Variants in ATP9A observed in about 807,000 individuals in gnomAD.
ATP9A encodes the protein probable phospholipid-transporting ATPase IIA.
In ATP9A, 52 loss-of-function variants were observed where a neutral mutation model predicts 144.1. The ratio of observed to expected loss-of-function variants is 0.36; its 90% CI spans 0.29 to 0.45. The LOEUF (loss-of-function observed/expected upper bound fraction) is 0.45, where lower values mean the gene tolerates loss of function less well. ATP9A is among the 20% of genes least tolerant of loss of function. ATP9A has a pLI of 1.00. For missense variants in ATP9A, 947 were observed against 1,392.7 expected (o/e 0.68, Z 5.09); for synonymous variants, 582 against 557.4 (o/e 1.04, Z -0.62).
intron 7 of ATP9A, among the ~76,000 whole-genome samples, chr20:51,693,632 G>A (rs1262731914): frequency 6.6e-6 from 1 of 152,128 alleles, no homozygotes; most frequent in Non-Finnish European, 1.5e-5. Context: ...CGAACCCGCA[G>A]GCTTAAGCAA....
intron 4 of ATP9A, among the ~76,000 whole-genome samples, chr20:51,702,504 A>G (rs2077598485): frequency 6.6e-6 from 1 of 152,008 alleles, no homozygotes; most frequent in Non-Finnish European, 1.5e-5. Flanking sequence ...TTACATTCCC[A>G]TATTTACTGG....
At chr20:51,699,161 G>A (rs1473154497) in intron 4 of ATP9A, among the ~76,000 whole-genome samples, 2 of 151,972 alleles carry the variant, frequency 1.3e-5, no homozygotes, top group African/African-American at 4.8e-5. Context: ...GGCAAACATG[G>A]TGAAATCCTG....
chr20:51,763,555 C>T (rs1323564192), intron 1 of ATP9A, among the ~76,000 whole-genome samples: 3 of 151,994 alleles, frequency 2.0e-5, no homozygotes, highest in Admixed American at 6.6e-5. Flanking sequence ...CCTCCTGATC[C>T]GCCCACCTTG....
chr20:51,723,454 G>A (rs1037589955), intron 3 of ATP9A, among the ~76,000 whole-genome samples: 17 of 151,954 alleles, frequency 1.1e-4, no homozygotes, highest in Admixed American at 3.9e-4. Context: ...TGTGCCTGTA[G>A]TCCCAGCCAC....
At chr20:51,719,567 T>C (rs901134200) in intron 3 of ATP9A, among the ~76,000 whole-genome samples, 1 of 151,432 alleles carries the variant, frequency 6.6e-6, no homozygotes, top group Non-Finnish European at 1.5e-5. Flanking sequence ...ACCCCGTCTC[T>C]ACTAAAAATA....
intron 1 of ATP9A, among the ~76,000 whole-genome samples, chr20:51,751,461 T>C (rs547583977): frequency 2.6e-5 from 4 of 152,026 alleles, no homozygotes; most frequent in Admixed American, 2.0e-4. Flanking sequence ...GGAGTCTCCC[T>C]ATGTTGCCCA....
intron 1 of ATP9A, among the ~76,000 whole-genome samples, chr20:51,763,266 T>C (rs1030495374): frequency 2.0e-5 from 3 of 151,542 alleles, no homozygotes; most frequent in Non-Finnish European, 4.4e-5. Context: ...GGAGTGATGG[T>C]TGCATAACTC....
chr20:51,723,381 G>C (rs2077697758), intron 3 of ATP9A, among the ~76,000 whole-genome samples: 1 of 151,386 alleles, frequency 6.6e-6, no homozygotes, highest in Non-Finnish European at 1.5e-5. Context: ...CATACCACCT[G>C]TACCCCAATA....
At chr20:51,750,100 A>C (rs1354203688) in intron 1 of ATP9A, among the ~76,000 whole-genome samples, 2 of 152,166 alleles carry the variant, frequency 1.3e-5, no homozygotes, top group Admixed American at 6.5e-5. Context: ...GGTTGCGGTG[A>C]GCCGAGATCG....
intron 3 of ATP9A, among the ~76,000 whole-genome samples, chr20:51,723,643 G>A (rs141702835): frequency 0.032 from 4,495 of 140,596 alleles, 83 homozygotes; most frequent in Non-Finnish European, 0.047. Flanking sequence ...TGCCACCTCC[G>A]CCTCCCGGAT....
chr20:51,687,775 A>ATGAATGAATG (rs113719960), intron 9 of ATP9A, among the ~76,000 whole-genome samples: 18 of 147,564 alleles, frequency 1.2e-4, no homozygotes, highest in Middle Eastern at 3.4e-3. Context: ...AAAAAAAAAA[A>ATGAATGAATG]AATGAATGAA....
intron 7 of ATP9A, 38 bp downstream of exon 7, chr20:51,693,970 G>T (rs957665544): frequency 2.5e-6 from 4 of 1,569,006 alleles, no homozygotes; most frequent in African/African-American, 2.7e-5. Context: ...TGCTAAGATA[G>T]GTTGCCCGCA....
At chr20:51,635,826 G>GGAAGGA (rs1193048703) in intron 15 of ATP9A, among the ~76,000 whole-genome samples, 4 of 46,870 alleles carry the variant, frequency 8.5e-5, no homozygotes, top group African/African-American at 1.8e-4. Context: ...GGAAGGAAGG[G>GGAAGGA]AGGGAGGGAG....
Position 51,768,284 on chromosome 20 carries a change from G to T in ATP9A, c.68+18C>A, listed in dbSNP as rs1189472198. 6.4e-6 allele frequency: 8 copies of T among 1,259,158 alleles called. No homozygotes were observed. The highest frequency in any genetic ancestry group is 8.0e-6 in the Non-Finnish European group (8 of 995,018). The allele number at this position is 1,259,158 out of a possible 1,614,324, so 78.0% of individuals were successfully genotyped here. ...GGGAGGCGCGGACAAAGGAAAACAC[G>T]GGCCCAGGCCCACTCACCCGGCGCG... On this transcript the variant is annotated intron_variant, in intron 1 of 27. Coordinates refer to ENST00000338821, the MANE Select transcript of ATP9A (RefSeq NM_006045.3).
intron 21 of ATP9A, among the ~76,000 whole-genome samples, chr20:51,618,001 C>T (rs2077210395): frequency 5.3e-5 from 8 of 152,146 alleles, no homozygotes; most frequent in Admixed American, 5.2e-4. Context: ...AGGCAGATCA[C>T]CTGAGGTCAG....
intron 7 of ATP9A, among the ~76,000 whole-genome samples, 198 bp from the exon 8 acceptor site, chr20:51,691,017 ACC>A (rs2077546434): frequency 6.6e-6 from 1 of 152,052 alleles, no homozygotes; most frequent in Non-Finnish European, 1.5e-5. Flanking sequence ...ATCTCAAAGC[ACC>A]CTGACAGACT....
At position 51,752,056 on chromosome 20, in the gene ATP9A, A is replaced by C. The variant is rs2869447; in HGVS notation, c.68+16246T>G. On this transcript the variant is annotated intron_variant, in intron 1 of 27. Transcript: ENST00000338821. ...GTGGGCAAGGTAGGAACAACAACAAAAAAAAAAAAACAAGAAAAAAAAAAT... is the reference window on the plus strand; with the variant it reads ...GTGGGCAAGGTAGGAACAACAACAACAAAAAAAAAACAAGAAAAAAAAAAT... Among the ~76,000 whole-genome samples the C allele has an allele frequency of 6.7e-4, 56 of 83,572 alleles. 1 individual carries two copies. Among genetic ancestry groups the C allele is most frequent in the South Asian group, 3.6e-3 (8 of 2,194 alleles). The allele number at this position is 83,572 out of a possible 152,430, so 54.8% of individuals were successfully genotyped here.
At chr20:51,727,767 T>TA (rs1176445299) in intron 2 of ATP9A, among the ~76,000 whole-genome samples, 1 of 150,726 alleles carries the variant, frequency 6.6e-6, no homozygotes, top group African/African-American at 2.4e-5. Context: ...CTGTCTCTAC[T>TA]AAAAAATAAA....
intron 5 of ATP9A, among the ~76,000 whole-genome samples, chr20:51,696,383 T>C (rs561073609): frequency 6.6e-6 from 1 of 152,340 alleles, no homozygotes; most frequent in African/African-American, 2.4e-5. Flanking sequence ...CAAAATCTTA[T>C]CTTGGAAAGA....
Sources: allele counts gnomAD v4.1 joint callset (sites outside exome capture counted in the v4.1 genomes callset), GRCh38; gene constraint gnomAD v4.1.1; transcripts MANE v1.5; gene names NCBI Gene and HGNC (gene_info 2026-07-23, HGNC 2026-07-21).